ATAD2: variants seen among roughly 807,000 people sequenced by gnomAD.
ATAD2 encodes the protein ATPase family AAA domain containing 2.
In ATAD2, 62 loss-of-function variants were observed where a neutral mutation model predicts 168.9. The ratio of observed to expected loss-of-function variants is 0.37; its 90% CI spans 0.30 to 0.45. The LOEUF is 0.45. ATAD2 is among the 20% of genes least tolerant of loss of function. ATAD2 has a pLI of 1.00. For synonymous variants in ATAD2, 613 were observed against 571.6 expected, an observed-to-expected ratio of 1.07 and a Z score of -1.03; for missense variants, 1,419 against 1,667.8, an observed-to-expected ratio of 0.85 and a Z score of 2.60.
chr8:123,346,236 T>C lies in ATAD2; in HGVS notation c.2382A>G (p.Arg794=). ...ACYQPMSFRP[R]ILIVGEPGFG... ...ATCCTGGTTCTCCTACTATCAATAT[T>C]CTTGGTCGAAAAGACATAGGTTGGT... Residue 794 remains arginine, a synonymous_variant, in exon 18 of 28, where the codon AGA becomes AGG. Coordinates refer to ENST00000287394, the MANE Select transcript of ATAD2 (RefSeq NM_014109.4). The C allele has an allele frequency of 6.2e-7, 1 of 1,608,524 alleles. No individual in the cohort carries two copies. The highest frequency in any genetic ancestry group is 8.5e-7 in the Non-Finnish European group (1 of 1,178,532).
intron 24 of ATAD2, among the ~76,000 whole-genome samples, chr8:123,330,751 T>C (rs1357278602): frequency 1.3e-5 from 2 of 152,222 alleles, no homozygotes; most frequent in East Asian, 1.9e-4. Flanking sequence ...TGTCATATAA[T>C]GACTTCATTT....
At chr8:123,396,475 G>T (rs2129996163), upstream of ATAD2, 11 of 1,147,258 alleles carry the variant, frequency 9.6e-6, no homozygotes, top group South Asian at 1.6e-5. Flanking sequence ...GCCAGCGGCC[G>T]CAGCGCGCGC....
rs386360951 is a variant in ATAD2, at chr8:123,389,960, T to TTATATATATA, written c.171+6217_171+6226dup. On this transcript the variant is annotated intron_variant, in intron 1 of 27. Coordinates refer to ENST00000287394, the MANE Select transcript of ATAD2 (RefSeq NM_014109.4). The stretch of plus-strand genomic sequence containing the variant: ...ATAAGTGGTAGCTATTACTATTATT[T>TTATATATATA]TATATATATATATATATATATATAT... Among the ~76,000 whole-genome samples, 464 of 93,980 alleles carry TTATATATATA rather than the reference T, an allele frequency of 4.9e-3. 3 individuals carry two copies. Among genetic ancestry groups the TTATATATATA allele is most frequent in the South Asian group, 7.8e-3 (18 of 2,296 alleles). 61.7% of individuals were successfully genotyped at this position (93,980 alleles called of 152,430 possible).
rs1369427753 is a variant in ATAD2, at chr8:123,396,266, A to G, written c.92T>C (p.Leu31Pro). The change falls in exon 1 of 28, where the codon CTG becomes CCG. Residue 31 changes from leucine (L) to proline (P), a missense_variant. Coordinates refer to ENST00000287394, the MANE Select transcript of ATAD2 (RefSeq NM_014109.4). ...GAGCCGCCTCCGGCCGATGTGCTCC[A>G]GACTGAGGAAGTCACTGGACAGGTC... is the stretch of plus-strand genomic sequence containing the variant. ...SLDLSSDFLSLEHIGRRRLRS... is the reference protein window; with the variant it reads ...SLDLSSDFLSPEHIGRRRLRS... The G allele has an allele frequency of 6.2e-6, 10 of 1,611,064 alleles. No individual in the cohort carries two copies. The highest frequency in any genetic ancestry group is 2.2e-5 in the South Asian group (2 of 91,018).
At chr8:123,347,550 A>C in intron 15 of ATAD2, 144 bp from the exon 16 acceptor site, 5 of 820,192 alleles carry the variant, frequency 6.1e-6, no homozygotes, top group Non-Finnish European at 9.2e-6. Flanking sequence ...AATAAGACCA[A>C]AATCTCTTTT....
At chr8:123,322,789 G>GAC (rs1827506351) in intron 27 of ATAD2, 149 bp downstream of exon 27, 1 of 681,964 alleles carries the variant, frequency 1.5e-6, no homozygotes, top group Non-Finnish European at 2.3e-6. Context: ...TATGGAATGG[G>GAC]ACATCAACTT....
At chr8:123,356,176 T>C (rs1360806346) in intron 13 of ATAD2, 2 of 264,532 alleles carry the variant, frequency 7.6e-6, no homozygotes, top group Non-Finnish European at 1.4e-5. Context: ...GTGATCTGCC[T>C]GCCTTGGCCT....
chr8:123,322,850 A>G (rs1472401664), intron 27 of ATAD2, 88 bp downstream of exon 27: 1 of 1,388,624 alleles, frequency 7.2e-7, no homozygotes, highest in African/African-American at 1.5e-5. Context: ...TCTTACACAG[A>G]TTAAATAAAG....
In ATAD2 at chr8:123,396,318, A is replaced by C. The variant is rs1812827154; in HGVS notation, c.40T>G (p.Ser14Ala). The change falls in exon 1 of 28, where the codon TCC (serine) becomes GCC (alanine). Residue 14 changes from serine (S) to alanine (A), a missense_variant. Physicochemically the swap from Ser to Ala is moderately conservative, Grantham distance 99. Transcript: ENST00000287394. ...LRSSLELHNH[S>A]AASATGSLDL... ...AAGGAGCCCGTGGCCGAGGCCGCGG[A>C]GTGGTTGTGCAGCTCCAAGCTGCTG... 6.2e-7 allele frequency: 1 copy of C among 1,608,236 alleles called. No individual in the cohort carries two copies. Among genetic ancestry groups the C allele is most frequent in the Admixed American group, 1.7e-5 (1 of 59,906 alleles).
intron 1 of ATAD2, among the ~76,000 whole-genome samples, chr8:123,387,977 A>G (rs552470654): frequency 6.6e-6 from 1 of 152,310 alleles, no homozygotes; most frequent in African/African-American, 2.4e-5. Flanking sequence ...ACAACAGTAT[A>G]TTCTAATACA....
intron 2 of ATAD2, among the ~76,000 whole-genome samples, chr8:123,376,083 CG>C (rs1355446521): frequency 1.3e-5 from 2 of 149,412 alleles, no homozygotes; most frequent in Non-Finnish European, 3.0e-5. Context: ...CCAGCCTGGG[CG>C]ACAGAGCAAG....
intron 8 of ATAD2, among the ~76,000 whole-genome samples, chr8:123,367,392 G>A (rs1242850483): frequency 6.6e-6 from 1 of 152,188 alleles, no homozygotes; most frequent in African/African-American, 2.4e-5. Context: ...ACTCCAGCCT[G>A]GGCGAGAGAG....
At position 123,320,272 on chromosome 8, in the gene ATAD2, A is replaced by G. The variant is rs1183815181; in HGVS notation, c.*862T>C. The G allele has an allele frequency of 6.6e-6, 1 of 151,992 alleles. No homozygotes were observed. The highest frequency in any genetic ancestry group is 1.5e-5 in the Non-Finnish European group (1 of 67,968). 9.4% of individuals were successfully genotyped at this position (151,992 alleles called of 1,614,324 possible). A position where few individuals can be genotyped will look rare whatever the true frequency, so the allele number is the denominator to read the frequency against. On this transcript the variant is annotated 3_prime_UTR_variant, in exon 28 of 28. Coordinates refer to ENST00000287394, the MANE Select transcript of ATAD2 (RefSeq NM_014109.4). Reference sequence around the variant, plus strand: ...TCTCCCCAAAAGCAAGTATGCATGGAAGTGCATGCTTTTAACCTTAAGAAA... The same window carrying G: ...TCTCCCCAAAAGCAAGTATGCATGGGAGTGCATGCTTTTAACCTTAAGAAA...
Position 123,388,322 on chromosome 8 carries a change from G to T in ATAD2, c.172-7645C>A, listed in dbSNP as rs547516088. Among the ~76,000 whole-genome samples the T allele has an allele frequency of 7.2e-5, 11 of 152,198 alleles. No individual in the cohort carries two copies. In the East Asian group the frequency reaches 1.9e-3, roughly 27 times the overall value. On this transcript the variant is annotated intron_variant, in intron 1 of 27. Coordinates refer to ENST00000287394, the MANE Select transcript of ATAD2 (RefSeq NM_014109.4). ...GAGATCCTCCTGCCTCAGCCTCCCC[G>T]GTAGTAGCTGGGGCTACAGGCATGT...
intron 13 of ATAD2, among the ~76,000 whole-genome samples, 189 bp from the exon 14 acceptor site, chr8:123,349,633 C>T (rs1828382248): frequency 6.6e-6 from 1 of 151,894 alleles, no homozygotes; most frequent in African/African-American, 2.4e-5. Flanking sequence ...AAATTGAAAT[C>T]AATGGAAAAC....
intron 7 of ATAD2, 70 bp downstream of exon 7, chr8:123,369,751 A>G: frequency 7.6e-7 from 1 of 1,312,394 alleles, no homozygotes; most frequent in Middle Eastern, 1.9e-4. Flanking sequence ...GACAAGAATA[A>G]CAGAGAAGAA....
chr8:123,323,773 C>T (rs1402251532), intron 26 of ATAD2, among the ~76,000 whole-genome samples: 1 of 152,098 alleles, frequency 6.6e-6, no homozygotes, highest in Non-Finnish European at 1.5e-5. Context: ...ATCCTTTATA[C>T]AAATTATTCT....
At chr8:123,395,390 G>A (rs1210295094) in intron 1 of ATAD2, among the ~76,000 whole-genome samples, 1 of 152,144 alleles carries the variant, frequency 6.6e-6, no homozygotes, top group Non-Finnish European at 1.5e-5. Flanking sequence ...TTCAGACCTA[G>A]AAGCAGCACT....
Position 123,326,040 on chromosome 8 carries a change from T to C in ATAD2, c.3869-14A>G. The C allele has an allele frequency of 6.2e-7, 1 of 1,612,212 alleles. No homozygotes were observed. The highest frequency in any genetic ancestry group is 1.7e-5 in the Admixed American group (1 of 59,686). On this transcript the variant is annotated splice_polypyrimidine_tract_variant and intron_variant, in intron 25 of 27. Coordinates refer to ENST00000287394, the MANE Select transcript of ATAD2 (RefSeq NM_014109.4). ...GAACACACATTTCTAGAATGAAAAATCAAATGATTATTATTTGGTCCATAG... is the reference window on the plus strand; with the variant it reads ...GAACACACATTTCTAGAATGAAAAACCAAATGATTATTATTTGGTCCATAG...
Sources: gnomAD v4.1 joint callset for allele counts (sites outside exome capture counted in the v4.1 genomes callset) on GRCh38, gnomAD v4.1.1 for gene constraint, MANE v1.5 for transcripts, NCBI Gene and HGNC (gene_info 2026-07-23, HGNC 2026-07-21) for gene names.